The following PPM1H variants were observed in gnomAD, a reference collection of about 807,000 sequenced individuals.
The protein encoded by PPM1H is protein phosphatase 1H.
A neutral mutation model predicts 54.9 loss-of-function variants in PPM1H; 27 were observed. That is an observed-to-expected ratio of 0.49 (90% CI 0.36 to 0.68). The LOEUF is 0.68. PPM1H is among the 30% of genes least tolerant of loss of function. PPM1H has a pLI of 0.00. For synonymous variants in PPM1H, 305 were observed against 270.8 expected, an observed-to-expected ratio of 1.13 and a Z score of -1.24; for missense variants, 596 against 667.8, an observed-to-expected ratio of 0.89 and a Z score of 1.19.
At chr12:62,703,179 C>T (rs1357608842) in intron 6 of PPM1H, among the ~76,000 whole-genome samples, 1 of 152,176 alleles carries the variant, frequency 6.6e-6, no homozygotes, top group Non-Finnish European at 1.5e-5. Flanking sequence ...GGAAAAACCA[C>T]TTCCTGCTGA....
intron 6 of PPM1H, among the ~76,000 whole-genome samples, chr12:62,697,965 GA>G (rs1410411047): frequency 1.3e-5 from 2 of 151,512 alleles, no homozygotes; most frequent in Non-Finnish European, 2.9e-5. Flanking sequence ...TTTTAGATGA[GA>G]AAAAAAATGC....
chr12:62,711,691 G>A (rs954595348), intron 6 of PPM1H, among the ~76,000 whole-genome samples: 3 of 152,166 alleles, frequency 2.0e-5, no homozygotes, highest in Non-Finnish European at 2.9e-5. Context: ...AGGGTCTGAG[G>A]GGGGAAGAAA....
At chr12:62,870,934 A>G (rs1869953862) in intron 1 of PPM1H, among the ~76,000 whole-genome samples, 1 of 152,234 alleles carries the variant, frequency 6.6e-6, no homozygotes, top group South Asian at 2.1e-4. Context: ...GTGGATGTGG[A>G]GAAATTAGAA....
rs1185818572 is a variant in PPM1H at position 62,659,370 on chromosome 12, T to C, written c.1397+7808A>G. On this transcript the variant is annotated intron_variant, in intron 9 of 9. Coordinates refer to ENST00000228705, the MANE Select transcript of PPM1H (RefSeq NM_020700.2). Reference sequence around the variant, plus strand: ...TTTTCTGGTTCCTTTGTTGAGACAGTTCAAAAGAGCAAAAGGACTTAAGAT... The same window carrying C: ...TTTTCTGGTTCCTTTGTTGAGACAGCTCAAAAGAGCAAAAGGACTTAAGAT... 6.9e-6 allele frequency: 3 copies of C among 432,942 alleles called. No homozygotes were observed. The East Asian group carries it at 1.4e-4, about 21-fold the overall frequency. The allele number at this position is 432,942 out of a possible 1,614,324, so 26.8% of individuals were successfully genotyped here. A position where few individuals can be genotyped will look rare whatever the true frequency, so the allele number is the denominator to read the frequency against.
chr12:62,706,758 TA>T (rs1279045105), intron 6 of PPM1H, among the ~76,000 whole-genome samples: 2 of 152,198 alleles, frequency 1.3e-5, no homozygotes, highest in African/African-American at 2.4e-5. Flanking sequence ...GGAATCTGCA[TA>T]AATGCCACAA....
Position 62,644,739 on chromosome 12 carries a change from A to C in PPM1H, c.*3750T>G, listed in dbSNP as rs913823775. On this transcript the variant is annotated 3_prime_UTR_variant, in exon 10 of 10. Transcript: ENST00000228705. ...AGGTGGGCTATGGTGTGCAGGCTGC[A>C]ACCTTTCTCTGCAATTGTTAAGTCT... The C allele has an allele frequency of 6.6e-6, 1 of 152,350 alleles. No individual in the cohort carries two copies. The allele number at this position is 152,350 out of a possible 1,614,324, so 9.4% of individuals were successfully genotyped here.
intron 1 of PPM1H, among the ~76,000 whole-genome samples, chr12:62,866,252 G>A (rs4316552): frequency 0.35 from 53,015 of 151,954 alleles, 9,751 homozygotes; most frequent in East Asian, 0.5. Context: ...AGCCTGTCCA[G>A]TTCCTCCAGG....
At chr12:62,896,703 G>T (rs569886878) in intron 1 of PPM1H, among the ~76,000 whole-genome samples, 1 of 152,294 alleles carries the variant, frequency 6.6e-6, no homozygotes, top group South Asian at 2.1e-4. Context: ...GATTCCTCAA[G>T]GATCTAGAAC....
chr12:62,746,440 C>G (rs1166328355), intron 4 of PPM1H, among the ~76,000 whole-genome samples: 1 of 152,198 alleles, frequency 6.6e-6, no homozygotes, highest in African/African-American at 2.4e-5. Flanking sequence ...CAAACCACCA[C>G]TGACAACTCA....
chr12:62,801,871 T>C lies in PPM1H; in HGVS notation c.701A>G (p.Lys234Arg). 1 of 1,613,870 alleles carries C rather than the reference T, an allele frequency of 6.2e-7. No individual in the cohort carries two copies. The highest frequency in any genetic ancestry group is 8.5e-7 in the Non-Finnish European group (1 of 1,179,804). ...TPPTRFFTEK[K>R]IPHECLVIGA... ...GATGACCAGGCACTCATGGGGAATC[T>C]TCTTCTCGGTAAAGAAGCGTGTGGG... is the stretch of plus-strand genomic sequence containing the variant. Residue 234 changes from lysine to arginine, a missense_variant, in exon 3 of 10, where the codon AAG becomes AGG. By Grantham distance (26) the Lys-to-Arg change is conservative. Around this residue, in one of 3 missense-constraint regions of PPM1H, gnomAD observed 382 missense variants for 387.1 expected, o/e 0.99. Coordinates refer to ENST00000228705, the MANE Select transcript of PPM1H (RefSeq NM_020700.2).
rs1221255508 is a variant in PPM1H at position 62,743,549 on chromosome 12, G to A, written c.870-5963C>T. Among the ~76,000 whole-genome samples the A allele has an allele frequency of 2.0e-5, 3 of 151,990 alleles. No homozygotes were observed. The East Asian group carries it at 5.8e-4, about 29-fold the overall frequency. On this transcript the variant is annotated intron_variant, in intron 4 of 9. Transcript: ENST00000228705. ...TATTCCCCTAGTCTAAATATTAAGT[G>A]GTTAAGAGAAACAGGGAGGGTAAAA...
intron 1 of PPM1H, among the ~76,000 whole-genome samples, chr12:62,854,345 C>A (rs1869305150): frequency 6.6e-6 from 1 of 152,162 alleles, no homozygotes; most frequent in African/African-American, 2.4e-5. Flanking sequence ...CAGGAATGAT[C>A]TACAGTCTAG....
At chr12:62,668,436 C>T (rs180841388) in intron 8 of PPM1H, among the ~76,000 whole-genome samples, 7 of 152,274 alleles carry the variant, frequency 4.6e-5, no homozygotes, top group African/African-American at 4.8e-5. Flanking sequence ...AGTACAGTGG[C>T]GTGATCTCAG....
chr12:62,676,975 C>A (rs2075990637), intron 8 of PPM1H, among the ~76,000 whole-genome samples: 1 of 152,096 alleles, frequency 6.6e-6, no homozygotes, highest in South Asian at 2.1e-4. Context: ...GCTTTTCTGG[C>A]CCACTCATGG....
rs577603918 is a variant in PPM1H, at chr12:62,860,914, T to C, written c.246-28635A>G. Among the ~76,000 whole-genome samples the C allele has an allele frequency of 4.6e-5, 7 of 152,334 alleles. No individual in the cohort carries two copies. The East Asian group carries it at 1.4e-3, about 29-fold the overall frequency. Reference sequence around the variant, plus strand: ...TGAAACTGCACTGTCTCTTATTTCGTGTTTTATCATTTACCCAGCACTTCC... The same window carrying C: ...TGAAACTGCACTGTCTCTTATTTCGCGTTTTATCATTTACCCAGCACTTCC... On this transcript the variant is annotated intron_variant, in intron 1 of 9. Coordinates refer to ENST00000228705, the MANE Select transcript of PPM1H (RefSeq NM_020700.2).
intron 5 of PPM1H, 136 bp downstream of exon 5, chr12:62,737,366 G>GA: frequency 2.0e-6 from 1 of 508,980 alleles, no homozygotes; most frequent in Admixed American, 3.9e-5. Flanking sequence ...CAGAAGGTGT[G>GA]TGTGGGGGAG....
At chr12:62,895,188 C>T (rs941926387) in intron 1 of PPM1H, among the ~76,000 whole-genome samples, 7 of 152,144 alleles carry the variant, frequency 4.6e-5, no homozygotes, top group East Asian at 1.9e-4. Context: ...TTATCACCAG[C>T]GGGACTTAGC....
chr12:62,777,340 C>T (rs1350924407), intron 4 of PPM1H, among the ~76,000 whole-genome samples: 1 of 152,160 alleles, frequency 6.6e-6, no homozygotes, highest in Non-Finnish European at 1.5e-5. Context: ...TGCCTGACTG[C>T]CTGCCTACCT....
intron 1 of PPM1H, among the ~76,000 whole-genome samples, chr12:62,871,511 CT>C (rs375570472): frequency 0.019 from 2,270 of 119,094 alleles, 22 homozygotes; most frequent in African/African-American, 0.038. Flanking sequence ...AACTGTGGTA[CT>C]TTTTTTTTTT....
Sources: gnomAD v4.1 joint callset for allele counts (sites outside exome capture counted in the v4.1 genomes callset) on GRCh38, gnomAD v4.1.1 for gene constraint, gnomAD v4.1.1 regional missense constraint, MANE v1.5 for transcripts, NCBI Gene and HGNC (gene_info 2026-07-23, HGNC 2026-07-21) for gene names.